UBXN4: variants seen among roughly 807,000 people sequenced by gnomAD.
UBXN4 encodes UBX domain protein 4.
Under a neutral mutation model 66.2 loss-of-function variants are expected in UBXN4, and 35 were observed. The ratio of observed to expected loss-of-function variants is 0.53; its 90% CI spans 0.40 to 0.70. The LOEUF is 0.70. Among genes scored for constraint, UBXN4 ranks in the 30% least tolerant of loss-of-function variants. The pLI, the probability that UBXN4 is intolerant of heterozygous loss-of-function variation, is 0.00. For missense variants in UBXN4, 533 were observed against 599.8 expected (o/e 0.89, Z 1.16); for synonymous variants, 203 against 204.5 (o/e 0.99, Z 0.06).
chr2:135,766,201 C>G (rs1386821009), intron 6 of UBXN4, among the ~76,000 whole-genome samples: 4 of 151,262 alleles, frequency 2.6e-5, no homozygotes, highest in Non-Finnish European at 2.9e-5. Flanking sequence ...ATGGAACAGT[C>G]AATTTGTTAT....
At chr2:135,760,925 C>T (rs527995347) in intron 5 of UBXN4, among the ~76,000 whole-genome samples, 2 of 152,330 alleles carry the variant, frequency 1.3e-5, no homozygotes, top group African/African-American at 4.8e-5. Context: ...TATGCACCAT[C>T]GTCTCTACTT....
chr2:135,772,594 G>C, intron 9 of UBXN4, 47 bp downstream of exon 9: 1 of 1,606,530 alleles, frequency 6.2e-7, no homozygotes, highest in Non-Finnish European at 8.5e-7. Flanking sequence ...AGGGGCTGAG[G>C]AGAATGATTA....
chr2:135,773,472 T>G (rs777530845), intron 9 of UBXN4, among the ~76,000 whole-genome samples: 1 of 152,192 alleles, frequency 6.6e-6, no homozygotes, highest in Non-Finnish European at 1.5e-5. Context: ...TGCCCCTGTT[T>G]GGATCATGTG....
chr2:135,761,681 T>C (rs894103149), intron 5 of UBXN4, 137 bp from the exon 6 acceptor site: 12 of 670,092 alleles, frequency 1.8e-5, no homozygotes, highest in Non-Finnish European at 2.8e-5. Flanking sequence ...CATATTTAGC[T>C]CCTTCTCCAT....
intron 1 of UBXN4, among the ~76,000 whole-genome samples, chr2:135,747,348 C>CAAAA (rs138276089): frequency 1.2e-5 from 1 of 83,494 alleles, no homozygotes; most frequent in African/African-American, 4.4e-5. Flanking sequence ...AACTCCATCT[C>CAAAA]AAAAAAAAAA....
At chr2:135,743,679 A>G (rs1465926884) in intron 1 of UBXN4, among the ~76,000 whole-genome samples, 1 of 152,190 alleles carries the variant, frequency 6.6e-6, no homozygotes, top group Non-Finnish European at 1.5e-5. Context: ...AGAAATTTGG[A>G]TTATGGTAGT....
intron 5 of UBXN4, among the ~76,000 whole-genome samples, chr2:135,756,316 C>T (rs1315681786): frequency 6.6e-6 from 1 of 152,054 alleles, no homozygotes; most frequent in Non-Finnish European, 1.5e-5. Flanking sequence ...CTCCAGCATC[C>T]CACACAAATA....
intron 2 of UBXN4, 114 bp downstream of exon 2, chr2:135,748,483 A>C: frequency 1.5e-6 from 1 of 680,022 alleles, no homozygotes; most frequent in Non-Finnish European, 2.1e-6. Context: ...CACTCCCAGC[A>C]CTTTGGGAGA....
intron 5 of UBXN4, among the ~76,000 whole-genome samples, chr2:135,761,427 A>C (rs982940370): frequency 1.2e-5 from 1 of 80,872 alleles, no homozygotes; most frequent in African/African-American, 3.8e-5. Flanking sequence ...TTTGTCCCTC[A>C]CTTGGCAGTA....
intron 8 of UBXN4, among the ~76,000 whole-genome samples, chr2:135,771,494 G>A (rs1476423388): frequency 6.6e-6 from 1 of 151,746 alleles, no homozygotes; most frequent in African/African-American, 2.4e-5. Context: ...AAGAAAGAAA[G>A]AAAAAAAGCC....
chr2:135,751,612 TCTTC>T (rs2077242335), intron 2 of UBXN4, among the ~76,000 whole-genome samples: 1 of 150,520 alleles, frequency 6.6e-6, no homozygotes, highest in African/African-American at 2.5e-5. Context: ...AAATAAATTT[TCTTC>T]ATTTCATAAT....
At chr2:135,768,921 C>T (rs1193466184) in intron 6 of UBXN4, among the ~76,000 whole-genome samples, 4 of 151,840 alleles carry the variant, frequency 2.6e-5, no homozygotes, top group Admixed American at 1.3e-4. Flanking sequence ...AGACTGGTTT[C>T]GAACTCCAGG....
intron 2 of UBXN4, among the ~76,000 whole-genome samples, chr2:135,752,288 C>T (rs537471126): frequency 6.6e-6 from 1 of 152,134 alleles, no homozygotes; most frequent in Non-Finnish European, 1.5e-5. Flanking sequence ...ACCTCATAAT[C>T]CACTTGCCTC....
At chr2:135,769,190 CAG>C (rs2077367208) in intron 6 of UBXN4, among the ~76,000 whole-genome samples, 1 of 152,060 alleles carries the variant, frequency 6.6e-6, no homozygotes, top group African/African-American at 2.4e-5. Flanking sequence ...TCTGTAGAGA[CAG>C]AGTTTTGCCA....
intron 6 of UBXN4, among the ~76,000 whole-genome samples, chr2:135,763,672 A>G (rs2077329647): frequency 6.6e-6 from 1 of 151,992 alleles, no homozygotes; most frequent in African/African-American, 2.4e-5. Flanking sequence ...AAAAAAATAC[A>G]AAAATTAATT....
At chr2:135,749,232 C>T (rs1343542535) in intron 2 of UBXN4, among the ~76,000 whole-genome samples, 1 of 152,154 alleles carries the variant, frequency 6.6e-6, no homozygotes, top group Non-Finnish European at 1.5e-5. Context: ...CTTCTAAAAA[C>T]TTGGAAGTAA....
At chr2:135,780,638 T>A (rs1158539544) in intron 12 of UBXN4, among the ~76,000 whole-genome samples, 3 of 152,250 alleles carry the variant, frequency 2.0e-5, no homozygotes, top group Non-Finnish European at 2.9e-5. Flanking sequence ...TATTGTTTCA[T>A]TCATTGAAGT....
intron 2 of UBXN4, among the ~76,000 whole-genome samples, chr2:135,752,569 A>C (rs951768577): frequency 6.6e-6 from 1 of 152,244 alleles, no homozygotes; most frequent in South Asian, 2.1e-4. Flanking sequence ...ACATTATCAC[A>C]TGCCTAAGTA....
At chr2:135,751,853 G>A (rs2105493671) in intron 2 of UBXN4, among the ~76,000 whole-genome samples, 1 of 152,002 alleles carries the variant, frequency 6.6e-6, no homozygotes, top group South Asian at 2.1e-4. Context: ...GTTCTTAGAA[G>A]CATTTGTTTG....
Sources: gnomAD v4.1 joint callset for allele counts (sites outside exome capture counted in the v4.1 genomes callset) on GRCh38, gnomAD v4.1.1 for gene constraint, MANE v1.5 for transcripts, NCBI Gene and HGNC (gene_info 2026-07-23, HGNC 2026-07-21) for gene names.